The following PCDHA8 variants were observed in gnomAD, a reference collection of about 807,000 sequenced individuals.
PCDHA8 encodes protocadherin alpha-8.
Under a neutral mutation model 61.8 loss-of-function variants are expected in PCDHA8, and 53 were observed. The ratio of observed to expected loss-of-function variants is 0.86; its 90% CI spans 0.69 to 1.08. The LOEUF is 1.08. PCDHA8 is among the 50% of genes least tolerant of loss of function. PCDHA8 has a pLI of 0.00. For synonymous variants in PCDHA8, 618 were observed against 556.6 expected, an observed-to-expected ratio of 1.11 and a Z score of -1.55; for missense variants, 1,293 against 1,245.0, an observed-to-expected ratio of 1.04 and a Z score of -0.58.
chr5:140,928,426 T>G (rs1563104997), intron 1 of PCDHA8: 2 of 1,614,134 alleles, frequency 1.2e-6, no homozygotes, highest in Non-Finnish European at 1.7e-6. Context: ...TGCCAAAACT[T>G]CCTTTGACTT....
chr5:140,856,318 C>G (rs200204071), intron 1 of PCDHA8: 2 of 1,598,576 alleles, frequency 1.3e-6, no homozygotes, highest in East Asian at 4.5e-5. Context: ...CTCGGATTGA[C>G]CGCGAGGAGC....
At chr5:140,862,745 A>G (rs1403297614) in intron 1 of PCDHA8, 1 of 578,200 alleles carries the variant, frequency 1.7e-6, no homozygotes, top group Non-Finnish European at 3.3e-6. Context: ...GTGTGGGTGC[A>G]CGCGGAGAGC....
intron 1 of PCDHA8, among the ~76,000 whole-genome samples, chr5:140,893,506 A>G (rs2064024014): frequency 1.3e-5 from 2 of 152,170 alleles, no homozygotes; most frequent in African/African-American, 4.8e-5. Flanking sequence ...AGAAAAAAAA[A>G]GCAGTTGTAG....
At chr5:140,857,886 C>T in intron 1 of PCDHA8, 1 of 1,597,776 alleles carries the variant, frequency 6.3e-7, no homozygotes. Context: ...TTGCAGTCGG[C>T]GGCGGTTGGT....
chr5:140,887,045 T>C (rs2061271952), intron 1 of PCDHA8, among the ~76,000 whole-genome samples: 1 of 152,108 alleles, frequency 6.6e-6, no homozygotes, highest in Non-Finnish European at 1.5e-5. Context: ...TTTTTTATAG[T>C]GCATATGTTC....
At chr5:140,945,164 T>C (rs246060) in intron 1 of PCDHA8, among the ~76,000 whole-genome samples, 85,686 of 151,808 alleles carry the variant, frequency 0.56, 24,785 homozygotes, top group African/African-American at 0.69. Flanking sequence ...TATTGAACTA[T>C]CTGAAAAATA....
chr5:140,861,729 C>T (rs947423551), intron 1 of PCDHA8: 5 of 192,220 alleles, frequency 2.6e-5, no homozygotes, highest in Non-Finnish European at 5.3e-5. Context: ...GCTCTGATGA[C>T]TTACATACTG....
chr5:140,841,259 G>GA lies in PCDHA8; in HGVS notation c.-60dup. 1 of 1,517,710 alleles carries GA rather than the reference G, an allele frequency of 6.6e-7. No homozygotes were observed. The highest frequency in any genetic ancestry group is 2.3e-5 in the East Asian group (1 of 44,176). The allele number at this position is 1,517,710 out of a possible 1,614,324, so 94.0% of individuals were successfully genotyped here. On this transcript the variant is annotated 5_prime_UTR_variant, in exon 1 of 4. Coordinates refer to ENST00000531613, the MANE Select transcript of PCDHA8 (RefSeq NM_018911.3). ...CAGCGGAATTGGATTAAAAGACTCT[G>GA]AAAGTACAGTCGTTCATCTTTATAT...
chr5:140,959,118 C>T (rs781848896), intron 1 of PCDHA8, among the ~76,000 whole-genome samples: 8 of 151,838 alleles, frequency 5.3e-5, no homozygotes, highest in Non-Finnish European at 1.0e-4. Context: ...CGAAGGTGGG[C>T]GAGGTGAGCC....
At chr5:140,882,058 C>G (rs1190027185) in intron 1 of PCDHA8, 4 of 794,854 alleles carry the variant, frequency 5.0e-6, no homozygotes, top group Non-Finnish European at 7.7e-6. Flanking sequence ...CTTACACTTA[C>G]ACGTTCATGC....
At chr5:140,854,178 A>AAATT in intron 1 of PCDHA8, 2 of 531,176 alleles carry the variant, frequency 3.8e-6, no homozygotes, top group Non-Finnish European at 4.8e-6. Flanking sequence ...AAAAAAAAAG[A>AAATT]GTAGTTTAAC....
chr5:140,865,517 T>C (rs1562593227), intron 1 of PCDHA8: 1 of 152,232 alleles, frequency 6.6e-6, no homozygotes, highest in African/African-American at 2.4e-5. Context: ...TTTATGGTGC[T>C]GGAATTCTCT....
chr5:140,876,190 C>A (rs782463342), intron 1 of PCDHA8: 1 of 1,613,936 alleles, frequency 6.2e-7, no homozygotes, highest in Non-Finnish European at 8.5e-7. Context: ...TGACAATGGT[C>A]CGGCGTTTGA....
chr5:140,909,767 G>A (rs114075983), intron 1 of PCDHA8, among the ~76,000 whole-genome samples: 11,557 of 152,088 alleles, frequency 0.076, 504 homozygotes, highest in Middle Eastern at 0.14. Context: ...TGAGTCCAGG[G>A]ACCCACTGGA....
At chr5:140,924,902 A>T (rs1484044152) in intron 1 of PCDHA8, among the ~76,000 whole-genome samples, 1 of 39,026 alleles carries the variant, frequency 2.6e-5, no homozygotes, top group African/African-American at 7.6e-5. Context: ...CTCAAAAAAA[A>T]AAATAAAATA....
chr5:140,872,593 A>T (rs1214441484), intron 1 of PCDHA8, among the ~76,000 whole-genome samples: 1 of 152,160 alleles, frequency 6.6e-6, no homozygotes, highest in African/African-American at 2.4e-5. Flanking sequence ...TGAGACCCCC[A>T]TCTGAAAAAA....
intron 1 of PCDHA8, chr5:140,967,776 C>T: frequency 1.2e-6 from 2 of 1,614,148 alleles, no homozygotes; most frequent in East Asian, 2.2e-5. Flanking sequence ...TATGTGCAGG[C>T]GACTGACCGG....
chr5:140,931,683 A>G (rs1482331530), intron 1 of PCDHA8, among the ~76,000 whole-genome samples: 2 of 151,950 alleles, frequency 1.3e-5, no homozygotes, highest in African/African-American at 4.8e-5. Flanking sequence ...AAATAAATGA[A>G]TTGTGATTCA....
chr5:140,985,111 G>A (rs1252708098), intron 3 of PCDHA8, among the ~76,000 whole-genome samples: 2 of 151,892 alleles, frequency 1.3e-5, no homozygotes, highest in African/African-American at 2.4e-5. Context: ...CTAATTTTTT[G>A]TGTTTTTAGT....
Sources: gnomAD v4.1 joint callset for allele counts (sites outside exome capture counted in the v4.1 genomes callset) on GRCh38, gnomAD v4.1.1 for gene constraint, MANE v1.5 for transcripts, NCBI Gene and HGNC (gene_info 2026-07-23, HGNC 2026-07-21) for gene names.